Variants in TBC1D8B observed in about 807,000 individuals in gnomAD.
The protein encoded by TBC1D8B is RP11-321G1.1.
A neutral mutation model predicts 82.9 loss-of-function variants in TBC1D8B; 75 were observed. The ratio of observed to expected loss-of-function variants is 0.90; its 90% CI spans 0.75 to 1.10. TBC1D8B has a LOEUF of 1.10. Ranked by LOEUF, TBC1D8B falls within the 50% of genes least tolerant of loss-of-function variation. The probability of loss-of-function intolerance (pLI) is 0.00; values close to 1 mark genes in which losing one functional copy is unlikely to be tolerated. For missense variants in TBC1D8B, 794 were observed against 796.9 expected (o/e 1.00, Z 0.04); for synonymous variants, 276 against 276.8 (o/e 1.00, Z 0.03).
chrX:106,841,820 G>A (rs951086733), intron 10 of TBC1D8B, among the ~76,000 whole-genome samples: 3 of 111,588 alleles, frequency 2.7e-5, no homozygotes, highest in Non-Finnish European at 5.7e-5. Context: ...ATCACCATTA[G>A]CACTCACAGG....
At chrX:106,827,602 A>T (rs1315584285) in intron 7 of TBC1D8B, 14 of 254,987 alleles carry the variant, frequency 5.5e-5, no homozygotes, top group Non-Finnish European at 8.8e-5. Flanking sequence ...TACCATATAA[A>T]TATACCTTGT....
intron 14 of TBC1D8B, among the ~76,000 whole-genome samples, chrX:106,855,042 T>C (rs1932670592): frequency 8.9e-6 from 1 of 112,410 alleles, no homozygotes; most frequent in African/African-American, 3.2e-5. Flanking sequence ...ATCGGATTAA[T>C]AGATTGCTGG....
At chrX:106,804,895 A>G (rs1931138424) in intron 1 of TBC1D8B, among the ~76,000 whole-genome samples, 1 of 107,879 alleles carries the variant, frequency 9.3e-6, no homozygotes, top group Non-Finnish European at 1.9e-5. Context: ...TCTCAAAAAG[A>G]AAAAAAAAAT....
Position 106,869,499 on chromosome X carries a change from A to C in TBC1D8B, c.2827A>C (p.Asn943His). ...TTTTCTTATAGTTTCCAAGCCTGCA[A>C]ATGAGAAGGAAGCAGAATCAGCAAA... is the stretch of plus-strand genomic sequence containing the variant. ...FSQLHVSKPA[N>H]EKEAESAKHS... The change falls in exon 19 of 21, where the codon AAT becomes CAT. Residue 943 changes from asparagine (N) to histidine (H), a missense_variant. Transcript: ENST00000357242. The C allele has an allele frequency of 8.3e-7, 1 of 1,208,683 alleles. No homozygotes were observed. The highest frequency in any genetic ancestry group is 1.1e-6 in the Non-Finnish European group (1 of 893,299).
At chrX:106,825,938 G>A (rs1173726947) in intron 5 of TBC1D8B, 92 bp from the exon 6 acceptor site, 2 of 719,764 alleles carry the variant, frequency 2.8e-6, no homozygotes, top group Non-Finnish European at 4.2e-6. Flanking sequence ...TGTGCACAGT[G>A]TATGTAGATT....
Position 106,851,148 on chromosome X carries a change from C to T in TBC1D8B, c.2123+838C>T, listed in dbSNP as rs765406797. Among the ~76,000 whole-genome samples, 118 of 112,042 alleles carry T rather than the reference C, an allele frequency of 1.1e-3. 2 individuals are homozygous for T. The highest frequency in any genetic ancestry group is 3.6e-3 in the African/African-American group (110 of 30,848). ...CTCATGCCTGTAATCCCAGCACTTT[C>T]GGAGGCCGAGGCAGGTGGATCACCT... On this transcript the variant is annotated intron_variant, in intron 12 of 20. Transcript: ENST00000357242.
At chrX:106,849,294 T>C (rs1335384140) in intron 11 of TBC1D8B, 1 of 1,137,369 alleles carries the variant, frequency 8.8e-7, no homozygotes, top group East Asian at 3.3e-5. Context: ...AATGTGTTAT[T>C]GGGGAGAAGT....
intron 14 of TBC1D8B, among the ~76,000 whole-genome samples, chrX:106,861,293 T>G (rs1932772674): frequency 9.0e-6 from 1 of 111,500 alleles, no homozygotes; most frequent in South Asian, 3.8e-4. Flanking sequence ...TTTTCTGCCT[T>G]GATGATATGA....
In TBC1D8B at chrX:106,850,243, C is replaced by T; in HGVS notation, c.2056C>T (p.Leu686Phe). 8.3e-7 allele frequency: 1 copy of T among 1,211,222 alleles called. No homozygotes were observed. Among genetic ancestry groups the T allele is most frequent in the Non-Finnish European group, 1.1e-6 (1 of 895,271 alleles). The change falls in exon 12 of 21, where the codon CTT becomes TTT. Residue 686 changes from leucine (L) to phenylalanine (F), a missense_variant. Coordinates refer to ENST00000357242, the MANE Select transcript of TBC1D8B (RefSeq NM_017752.3). ...CATTTTGCAACTGGGATTGGCAATACTTGACTATAATTTAGACAAACTGCT... is the reference window on the plus strand; with the variant it reads ...CATTTTGCAACTGGGATTGGCAATATTTGACTATAATTTAGACAAACTGCT... ...KAILQLGLAILDYNLDKLLTC... is the reference protein window; with the variant it reads ...KAILQLGLAIFDYNLDKLLTC...
intron 14 of TBC1D8B, among the ~76,000 whole-genome samples, chrX:106,862,776 GT>G (rs1181091591): frequency 0.036 from 1,321 of 37,084 alleles, 10 homozygotes; most frequent in African/African-American, 0.098. Flanking sequence ...GTTTTTTTTT[GT>G]TTTTTTTTTT....
chrX:106,813,066 C>G (rs1056982439), intron 1 of TBC1D8B, among the ~76,000 whole-genome samples: 2 of 111,561 alleles, frequency 1.8e-5, no homozygotes, highest in South Asian at 7.6e-4. Flanking sequence ...CCATATTGGT[C>G]AGGCTGGTCT....
chrX:106,825,903 T>C (rs1931826411), intron 5 of TBC1D8B, 127 bp from the exon 6 acceptor site: 1 of 465,205 alleles, frequency 2.1e-6, no homozygotes, highest in Admixed American at 4.8e-5. Flanking sequence ...TGTTGAAAAA[T>C]ATAGCATTTT....
In TBC1D8B at chrX:106,866,830, T is replaced by A. The variant is rs138857581; in HGVS notation, c.2696T>A (p.Leu899His). 2 of 1,191,249 alleles carry A rather than the reference T, an allele frequency of 1.7e-6. No homozygotes were observed. Among genetic ancestry groups the A allele is most frequent in the Non-Finnish European group, 2.3e-6 (2 of 883,968 alleles). The change falls in exon 17 of 21, where the codon CTT becomes CAT. Residue 899 changes from leucine (L) to histidine (H), a missense_variant. By Grantham distance (99) the Leu-to-His change is moderately conservative. Coordinates refer to ENST00000357242, the MANE Select transcript of TBC1D8B (RefSeq NM_017752.3). ...TACAATGGAAGTTTTACTGAGAAGCTTAAGCTGCTTTTTAAGCTACATATT... is the reference window on the plus strand; with the variant it reads ...TACAATGGAAGTTTTACTGAGAAGCATAAGCTGCTTTTTAAGCTACATATT... ...IMYNGSFTEK[L>H]KLLFKLHIPP...
At chrX:106,835,166 A>G (rs1324591913) in intron 7 of TBC1D8B, among the ~76,000 whole-genome samples, 1 of 112,610 alleles carries the variant, frequency 8.9e-6, no homozygotes, top group Non-Finnish European at 1.9e-5. Flanking sequence ...ACATCCTCTG[A>G]AATCTAGGCA....
chrX:106,825,428 C>T (rs1931813361), intron 5 of TBC1D8B, among the ~76,000 whole-genome samples: 1 of 111,639 alleles, frequency 9.0e-6, no homozygotes, highest in African/African-American at 3.2e-5. Context: ...ATTTGTCTAT[C>T]AGTTAATAAG....
chrX:106,804,176 T>G (rs1931118077), intron 1 of TBC1D8B, among the ~76,000 whole-genome samples: 2 of 111,762 alleles, frequency 1.8e-5, no homozygotes, highest in South Asian at 7.6e-4. Flanking sequence ...ATGACCTTGC[T>G]TTTTCTCTCT....
At chrX:106,870,310 C>A (rs745545527) in intron 19 of TBC1D8B, among the ~76,000 whole-genome samples, 8 of 112,316 alleles carry the variant, frequency 7.1e-5, no homozygotes, top group African/African-American at 2.6e-4. Context: ...GGATTACAGG[C>A]GTGAGCCACC....
intron 1 of TBC1D8B, among the ~76,000 whole-genome samples, chrX:106,809,714 T>C (rs373759213): frequency 2.1e-4 from 23 of 108,725 alleles, no homozygotes; most frequent in African/African-American, 7.7e-4. Flanking sequence ...TGAAACCCCA[T>C]CTCTACAAAA....
At chrX:106,849,220 ATTTTTTTT>A in intron 11 of TBC1D8B, 8 of 880,822 alleles carry the variant, frequency 9.1e-6, no homozygotes, top group East Asian at 3.9e-5. Flanking sequence ...TTATTTGTGT[ATTTTTTTT>A]TTTTTTTTTT....
Sources: allele counts gnomAD v4.1 joint callset (sites outside exome capture counted in the v4.1 genomes callset), GRCh38; gene constraint gnomAD v4.1.1; transcripts MANE v1.5; gene names NCBI Gene and HGNC (gene_info 2026-07-23, HGNC 2026-07-21).